The following DPP10 variants were observed in gnomAD, a reference collection of about 807,000 sequenced individuals.
DPP10 encodes the protein dipeptidyl peptidase like 10.
A neutral mutation model predicts 120.9 loss-of-function variants in DPP10; 33 were observed. The ratio of observed to expected loss-of-function variants is 0.27; its 90% CI spans 0.21 to 0.37. The LOEUF (loss-of-function observed/expected upper bound fraction) is 0.37, where lower values mean the gene tolerates loss of function less well. Among genes scored for constraint, DPP10 ranks in the 10% least tolerant of loss-of-function variants. The pLI, the probability that DPP10 is intolerant of heterozygous loss-of-function variation, is 1.00. For synonymous variants in DPP10, 337 were observed against 326.1 expected (o/e 1.03, Z -0.36); for missense variants, 816 against 942.8 (o/e 0.87, Z 1.76).
At chr2:115,626,143 T>C (rs1052399701) in intron 5 of DPP10, among the ~76,000 whole-genome samples, 1 of 151,746 alleles carries the variant, frequency 6.6e-6, no homozygotes, top group Admixed American at 6.6e-5. Flanking sequence ...GAATGTAAGT[T>C]CCTTGAAAGC....
chr2:115,059,006 G>C (rs1706175330), intron 1 of DPP10, among the ~76,000 whole-genome samples: 1 of 152,082 alleles, frequency 6.6e-6, no homozygotes, highest in Non-Finnish European at 1.5e-5. Context: ...CCTTCCCCCT[G>C]AATAGCACGT....
At chr2:115,766,158 A>T (rs552631643) in intron 12 of DPP10, among the ~76,000 whole-genome samples, 3 of 151,692 alleles carry the variant, frequency 2.0e-5, no homozygotes, top group Non-Finnish European at 4.4e-5. Context: ...ACATACATAC[A>T]TAAGTATGTA....
At chr2:114,552,092 C>G (rs574599864) in intron 1 of DPP10, among the ~76,000 whole-genome samples, 1 of 152,270 alleles carries the variant, frequency 6.6e-6, no homozygotes, top group Non-Finnish European at 1.5e-5. Context: ...CAACATGGTA[C>G]AGTGGAAGGA....
chr2:114,985,793 T>C (rs753615906), intron 1 of DPP10, among the ~76,000 whole-genome samples: 9 of 152,268 alleles, frequency 5.9e-5, no homozygotes, highest in Non-Finnish European at 1.2e-4. Flanking sequence ...ATCATTTATC[T>C]GTTTACCTGT....
At chr2:114,765,441 A>G (rs1214672687) in intron 1 of DPP10, among the ~76,000 whole-genome samples, 1 of 152,190 alleles carries the variant, frequency 6.6e-6, no homozygotes, top group Admixed American at 6.5e-5. Flanking sequence ...GTAAGTGAGC[A>G]TTATGTGAAC....
intron 5 of DPP10, among the ~76,000 whole-genome samples, chr2:115,661,497 G>T (rs972597913): frequency 2.0e-5 from 3 of 152,164 alleles, no homozygotes; most frequent in African/African-American, 7.2e-5. Context: ...GTTTTCGCTG[G>T]CATCAGTTGT....
chr2:115,762,194 C>G (rs1043754422), intron 11 of DPP10, among the ~76,000 whole-genome samples: 2 of 152,032 alleles, frequency 1.3e-5, no homozygotes, highest in Admixed American at 1.3e-4. Context: ...TGGCTGTTTG[C>G]CCAGTTGCTT....
chr2:115,478,040 A>T (rs576392612), intron 3 of DPP10, among the ~76,000 whole-genome samples: 1 of 152,252 alleles, frequency 6.6e-6, no homozygotes, highest in African/African-American at 2.4e-5. Context: ...GTGAACTCGG[A>T]GTGAGAACTC....
At chr2:115,240,186 C>T (rs2058207227) in intron 1 of DPP10, among the ~76,000 whole-genome samples, 1 of 152,144 alleles carries the variant, frequency 6.6e-6, no homozygotes, top group Non-Finnish European at 1.5e-5. Flanking sequence ...ACAGTGTCTT[C>T]CACAGTTGTT....
At chr2:115,382,849 G>A (rs2066517592) in intron 3 of DPP10, among the ~76,000 whole-genome samples, 1 of 152,182 alleles carries the variant, frequency 6.6e-6, no homozygotes, top group African/African-American at 2.4e-5. Flanking sequence ...AAAATGCTGA[G>A]GATGGATATT....
intron 1 of DPP10, among the ~76,000 whole-genome samples, chr2:114,908,756 T>C (rs990818835): frequency 6.6e-6 from 1 of 151,754 alleles, no homozygotes; most frequent in African/African-American, 2.4e-5. Flanking sequence ...AATTATATAA[T>C]TTATTCTTTA....
intron 1 of DPP10, among the ~76,000 whole-genome samples, chr2:114,749,875 C>T (rs1398511843): frequency 6.6e-6 from 1 of 152,080 alleles, no homozygotes; most frequent in African/African-American, 2.4e-5. Context: ...CCTAGATCCT[C>T]CACATAATGC....
At chr2:115,024,694 AAT>A (rs1161079473) in intron 1 of DPP10, among the ~76,000 whole-genome samples, 3 of 147,872 alleles carry the variant, frequency 2.0e-5, no homozygotes, top group South Asian at 4.2e-4. Context: ...CAGAACCTTA[AAT>A]ATATATATAT....
intron 1 of DPP10, among the ~76,000 whole-genome samples, chr2:115,104,375 T>TCA (rs1391610053): frequency 6.6e-6 from 1 of 152,038 alleles, no homozygotes; most frequent in Non-Finnish European, 1.5e-5. Context: ...TGCAAATGTT[T>TCA]CACATGACCA....
intron 3 of DPP10, among the ~76,000 whole-genome samples, chr2:115,435,381 A>G (rs1357854133): frequency 6.6e-6 from 1 of 151,770 alleles, no homozygotes; most frequent in Non-Finnish European, 1.5e-5. Context: ...CTATTTGATA[A>G]CAGCTCTTTT....
intron 1 of DPP10, among the ~76,000 whole-genome samples, chr2:114,946,871 T>C (rs1172631792): frequency 2.0e-5 from 3 of 152,162 alleles, no homozygotes; most frequent in Non-Finnish European, 4.4e-5. Context: ...GGCATTATTC[T>C]TCCTTTAAAT....
chr2:114,696,986 G>T (rs970118907), intron 1 of DPP10, among the ~76,000 whole-genome samples: 1 of 152,060 alleles, frequency 6.6e-6, no homozygotes, highest in African/African-American at 2.4e-5. Flanking sequence ...CTGAAATAAA[G>T]TATGAATCCA....
chr2:115,639,155 G>A (rs1465965263), intron 5 of DPP10, among the ~76,000 whole-genome samples: 1 of 152,170 alleles, frequency 6.6e-6, no homozygotes, highest in Non-Finnish European at 1.5e-5. Flanking sequence ...AGGATACACT[G>A]AGTCTTGCTG....
At chr2:114,526,375 A>G (rs1685498559) in intron 1 of DPP10, among the ~76,000 whole-genome samples, 1 of 152,156 alleles carries the variant, frequency 6.6e-6, no homozygotes, top group African/African-American at 2.4e-5. Context: ...TTTTCTTTGT[A>G]CTTTTATATA....
Sources: allele counts gnomAD v4.1 joint callset (sites outside exome capture counted in the v4.1 genomes callset), GRCh38; gene constraint gnomAD v4.1.1; transcripts MANE v1.5; gene names NCBI Gene and HGNC (gene_info 2026-07-23, HGNC 2026-07-21).